The following FAM153A variants were observed in gnomAD, a reference collection of about 807,000 sequenced individuals.
FAM153A encodes the protein protein FAM153A.
In FAM153A, 12 loss-of-function variants were observed where a neutral mutation model predicts 48.1. That is an observed-to-expected ratio of 0.25 (90% CI 0.16 to 0.40). The LOEUF (loss-of-function observed/expected upper bound fraction) is 0.40. FAM153A is among the 10% of genes least tolerant of loss of function. FAM153A has a pLI of 1.00. For synonymous variants in FAM153A, 36 were observed against 118.2 expected (o/e 0.30, Z 4.51); for missense variants, 111 against 345.8 (o/e 0.32, Z 5.38).
At chr5:177,696,230 G>T in the FAM153A span, among the ~76,000 whole-genome samples, 1 of 141,576 alleles carries the variant, frequency 7.1e-6, no homozygotes, top group Non-Finnish European at 1.5e-5. Context: ...ATGATGGGTG[G>T]CCGGGCAGAG....
chr5:177,709,019 CG>C (rs935968882), downstream of FAM153A, among the ~76,000 whole-genome samples: 5 of 135,446 alleles, frequency 3.7e-5, no homozygotes, highest in African/African-American at 1.1e-4. Flanking sequence ...CACTTGAACC[CG>C]GGGGGCAGAG....
the FAM153A span, among the ~76,000 whole-genome samples, chr5:177,701,807 G>T: frequency 6.6e-6 from 1 of 151,806 alleles, no homozygotes; most frequent in Admixed American, 6.6e-5. Context: ...GAGACTGGTT[G>T]AATGGTTAGA....
chr5:177,761,055 C>T (rs1768266167), intron 1 of FAM153A, among the ~76,000 whole-genome samples: 1 of 151,532 alleles, frequency 6.6e-6, no homozygotes, highest in Admixed American at 6.6e-5. Context: ...GGGACTGAAT[C>T]CACAGCAGGA....
chr5:177,707,498 A>C (rs1034271445), downstream of FAM153A, among the ~76,000 whole-genome samples: 2 of 151,944 alleles, frequency 1.3e-5, no homozygotes, highest in Admixed American at 6.5e-5. Context: ...TAAAAAATGC[A>C]GAACAATAAA....
chr5:177,726,999 T>C, intron 18 of FAM153A, among the ~76,000 whole-genome samples: 1 of 148,518 alleles, frequency 6.7e-6, no homozygotes, highest in Non-Finnish European at 1.5e-5. Flanking sequence ...CTAGCATGGC[T>C]CTTGTGAGGA....
chr5:177,696,514 C>T, the FAM153A span, among the ~76,000 whole-genome samples: 35 of 151,754 alleles, frequency 2.3e-4, no homozygotes, highest in African/African-American at 7.5e-4. Context: ...AATATTGTCC[C>T]ACACCGTTTG....
At chr5:177,729,486 A>G (rs1330495097) in exon 17 of FAM153A, 6 of 1,606,548 alleles carry the variant, frequency 3.7e-6, no homozygotes, top group African/African-American at 2.8e-5. Flanking sequence ...CGACTTTACC[A>G]TGTGAACCCC....
intron 18 of FAM153A, among the ~76,000 whole-genome samples, chr5:177,725,404 A>G (rs1762206877): frequency 6.9e-6 from 1 of 144,326 alleles, no homozygotes; most frequent in Admixed American, 6.8e-5. Context: ...TGACTGTTCT[A>G]TGCCTGGAGT....
At chr5:177,753,688 A>G (rs1386384240), upstream of FAM153A, among the ~76,000 whole-genome samples, 2 of 149,984 alleles carry the variant, frequency 1.3e-5, no homozygotes, top group Non-Finnish European at 3.0e-5. Context: ...TTTAAAATGC[A>G]TTAGTGTAAC....
exon 27 of FAM153A, chr5:177,711,869 C>T (rs1360713324): frequency 6.6e-6 from 1 of 151,914 alleles, no homozygotes; most frequent in African/African-American, 2.4e-5. Flanking sequence ...TAATGTTGGA[C>T]TTGACCAGGT....
chr5:177,706,589 G>A (rs1757911886), downstream of FAM153A: 1 of 151,874 alleles, frequency 6.6e-6, no homozygotes. Flanking sequence ...TTTATTTATG[G>A]CACATGAAAT....
intron 10 of FAM153A, among the ~76,000 whole-genome samples, 164 bp downstream of exon 12, chr5:177,738,949 T>A (rs1765117801): frequency 6.7e-6 from 1 of 149,584 alleles, no homozygotes. Context: ...CTACGTAGGA[T>A]GGTCACCACT....
Position 177,715,624 on chromosome 5 carries a change from G to A in FAM153A, c.*1222+721C>T, listed in dbSNP as rs181869160. On this transcript the variant is annotated intron_variant and NMD_transcript_variant, in intron 25 of 26. Coordinates refer to the FAM153A transcript ENST00000360669. ...CAGCCTGTACTTGCCTTCACACTGC[G>A]TCTTCCTTCATGGCTTCAGGCTAAG... Among the ~76,000 whole-genome samples, 11 of 151,748 alleles carry A rather than the reference G, an allele frequency of 7.2e-5. No homozygotes were observed. The South Asian group carries it at 8.3e-4, about 11-fold the overall frequency.
At chr5:177,760,058 G>A (rs71601381) in intron 1 of FAM153A, among the ~76,000 whole-genome samples, 6 of 148,206 alleles carry the variant, frequency 4.0e-5, no homozygotes, top group South Asian at 2.2e-4. Context: ...AACAGAATTT[G>A]GGAAGGAACA....
the FAM153A span, among the ~76,000 whole-genome samples, chr5:177,700,416 C>CAT: frequency 6.6e-6 from 1 of 151,828 alleles, no homozygotes; most frequent in African/African-American, 2.4e-5. Context: ...ATGACATGAT[C>CAT]CTGAATATAG....
chr5:177,768,993 G>T (rs1212555876), intron 1 of FAM153A, among the ~76,000 whole-genome samples: 1 of 91,556 alleles, frequency 1.1e-5, no homozygotes, highest in Non-Finnish European at 2.2e-5. Context: ...GGAGGCCGAG[G>T]CGGGCAGATC....
intron 13 of FAM153A, 87 bp downstream of exon 15, chr5:177,734,776 T>A (rs28418916): frequency 1.2e-6 from 2 of 1,609,634 alleles, no homozygotes; most frequent in Admixed American, 3.3e-5. Flanking sequence ...GATATATATC[T>A]TCAGATTCTC....
chr5:177,743,700 A>G (rs71261822), intron 6 of FAM153A, among the ~76,000 whole-genome samples: 2,158 of 50,220 alleles, frequency 0.043, 2 homozygotes, highest in South Asian at 0.052. Context: ...TGGAGGGTCA[A>G]TTCTGAGGGC....
chr5:177,706,194 T>TTTG (rs1291517590), downstream of FAM153A, among the ~76,000 whole-genome samples: 29 of 151,626 alleles, frequency 1.9e-4, no homozygotes, highest in Admixed American at 1.5e-3. Flanking sequence ...ATATGTTTTT[T>TTTG]TTGTTGTTGT....
Sources: gnomAD v4.1 joint callset for allele counts (sites outside exome capture counted in the v4.1 genomes callset) on GRCh38, gnomAD v4.1.1 for gene constraint, MANE v1.5 for transcripts, NCBI Gene and HGNC (gene_info 2026-07-23, HGNC 2026-07-21) for gene names.